RSPO3: variants seen among roughly 807,000 people sequenced by gnomAD.
RSPO3 encodes the protein R-spondin 3, also known as R-spondin-3.
In RSPO3, 17 loss-of-function variants were observed where a neutral mutation model predicts 36.5. That is an observed-to-expected ratio of 0.47 (90% CI 0.32 to 0.70). The LOEUF (loss-of-function observed/expected upper bound fraction) is 0.70, where lower values mean the gene tolerates loss of function less well. Among genes scored for constraint, RSPO3 ranks in the 30% least tolerant of loss-of-function variants. The pLI is 0.04. For missense variants in RSPO3, 294 were observed against 322.5 expected (o/e 0.91, Z 0.68); for synonymous variants, 108 against 107.0 (o/e 1.01, Z -0.06).
intron 4 of RSPO3, among the ~76,000 whole-genome samples, chr6:127,190,498 T>C (rs1775387710): frequency 1.3e-5 from 2 of 152,160 alleles, no homozygotes. Flanking sequence ...AATAATCAGG[T>C]CCAATTCCAG....
chr6:127,181,776 T>C (rs1775191333), intron 4 of RSPO3, among the ~76,000 whole-genome samples: 1 of 151,954 alleles, frequency 6.6e-6, no homozygotes, highest in Admixed American at 6.6e-5. Context: ...TCTTGACTAC[T>C]ACTCTTTCTC....
At chr6:127,145,934 T>G (rs559263953) in intron 1 of RSPO3, among the ~76,000 whole-genome samples, 1 of 152,290 alleles carries the variant, frequency 6.6e-6, no homozygotes, top group African/African-American at 2.4e-5. Flanking sequence ...ATATAAAAAG[T>G]AAAATCTCTT....
chr6:127,139,582 T>TA (rs34741454), intron 1 of RSPO3, among the ~76,000 whole-genome samples: 1,635 of 151,324 alleles, frequency 0.011, 11 homozygotes, highest in Middle Eastern at 0.024. Context: ...TTTCTAACCT[T>TA]AAAAAAAAAT....
intron 1 of RSPO3, among the ~76,000 whole-genome samples, chr6:127,125,691 G>A (rs1382427726): frequency 6.6e-6 from 1 of 152,110 alleles, no homozygotes; most frequent in East Asian, 1.9e-4. Context: ...ACGAGTAAGT[G>A]ATCAATGTGG....
intron 4 of RSPO3, among the ~76,000 whole-genome samples, chr6:127,173,892 C>T (rs1160025579): frequency 6.6e-6 from 1 of 151,898 alleles, no homozygotes; most frequent in Non-Finnish European, 1.5e-5. Flanking sequence ...TGTAGTTTAA[C>T]TTTGGAAGCA....
intron 4 of RSPO3, among the ~76,000 whole-genome samples, chr6:127,174,476 A>G (rs1195426593): frequency 6.6e-6 from 1 of 151,924 alleles, no homozygotes; most frequent in Admixed American, 6.6e-5. Context: ...GTATGAAGAA[A>G]GCAAAAGAAA....
At chr6:127,146,226 T>C (rs1774380863) in intron 1 of RSPO3, among the ~76,000 whole-genome samples, 1 of 152,160 alleles carries the variant, frequency 6.6e-6, no homozygotes, top group Admixed American at 6.5e-5. Context: ...TATTGCAAGT[T>C]GGGACAACTA....
At chr6:127,131,035 C>T (rs1280591854) in intron 1 of RSPO3, among the ~76,000 whole-genome samples, 2 of 152,054 alleles carry the variant, frequency 1.3e-5, no homozygotes, top group Non-Finnish European at 2.9e-5. Context: ...TCATATAGCA[C>T]ATTTCTAAGA....
At chr6:127,152,145 G>T (rs1421551730) in intron 3 of RSPO3, among the ~76,000 whole-genome samples, 1 of 152,168 alleles carries the variant, frequency 6.6e-6, no homozygotes, top group East Asian at 1.9e-4. Context: ...TATGCTGCTA[G>T]TAAGACTAAG....
intron 4 of RSPO3, among the ~76,000 whole-genome samples, chr6:127,194,339 T>G (rs1486965779): frequency 6.6e-6 from 1 of 152,210 alleles, no homozygotes; most frequent in Admixed American, 6.5e-5. Flanking sequence ...AATTTCAAAT[T>G]TTAAATGACC....
intron 1 of RSPO3, among the ~76,000 whole-genome samples, chr6:127,122,981 T>C (rs1382512117): frequency 3.3e-5 from 5 of 152,076 alleles, no homozygotes; most frequent in African/African-American, 1.2e-4. Flanking sequence ...TGAAAAGCCA[T>C]TATATGCATA....
chr6:127,139,556 G>T lies in RSPO3; in HGVS notation c.98-9092G>T, dbSNP rs146952858. On this transcript the variant is annotated intron_variant, in intron 1 of 4. Transcript: ENST00000356698. ...TAAAAAAAATATATCTTTTTTTTAA[G>T]GTTAGAAAAAAAATATTTCTAACCT... 6.2e-5 allele frequency among the ~76,000 whole-genome samples: 9 copies of T among 144,676 alleles called. No homozygotes were observed. The East Asian group carries it at 1.6e-3, about 26-fold the overall frequency. 94.9% of individuals were successfully genotyped at this position (144,676 alleles called of 152,430 possible). A position where few individuals can be genotyped will look rare whatever the true frequency, so the allele number is the denominator to read the frequency against.
chr6:127,192,062 C>T (rs199694723), intron 4 of RSPO3, among the ~76,000 whole-genome samples: 1 of 152,186 alleles, frequency 6.6e-6, no homozygotes, highest in East Asian at 1.9e-4. Context: ...TTCTTTTAGG[C>T]TCACCTCAAA....
intron 1 of RSPO3, among the ~76,000 whole-genome samples, chr6:127,144,872 T>C (rs1244999727): frequency 1.3e-5 from 2 of 152,026 alleles, no homozygotes; most frequent in African/African-American, 4.8e-5. Flanking sequence ...TCAGCCCACC[T>C]TGGCCTCCCA....
chr6:127,175,819 G>T (rs1328955232), intron 4 of RSPO3, among the ~76,000 whole-genome samples: 5 of 151,710 alleles, frequency 3.3e-5, no homozygotes, highest in Non-Finnish European at 7.4e-5. Flanking sequence ...TATTCTTAAA[G>T]ACTGGATTAT....
chr6:127,163,416 C>T (rs922031963), intron 4 of RSPO3, among the ~76,000 whole-genome samples: 1 of 152,106 alleles, frequency 6.6e-6, no homozygotes, highest in African/African-American at 2.4e-5. Context: ...TACAGACTAA[C>T]TTTGTAGATG....
chr6:127,134,492 AC>A (rs1023078959), intron 1 of RSPO3, among the ~76,000 whole-genome samples: 8 of 152,196 alleles, frequency 5.3e-5, no homozygotes, highest in African/African-American at 1.7e-4. Flanking sequence ...TTTTATGGTA[AC>A]CCCATGACCA....
Position 127,197,217 on chromosome 6 carries a change from G to A in RSPO3, c.*1210G>A. 1 of 556,786 alleles carries A rather than the reference G, an allele frequency of 1.8e-6. No homozygotes were observed. Among genetic ancestry groups the A allele is most frequent in the East Asian group, 3.1e-5 (1 of 32,302 alleles). 34.5% of individuals were successfully genotyped at this position (556,786 alleles called of 1,614,324 possible). A position where few individuals can be genotyped will look rare whatever the true frequency, so the allele number is the denominator to read the frequency against. The stretch of plus-strand genomic sequence containing the variant: ...ATCCACCTTTATCTGAGCCAATGGA[G>A]ATTTACTTATAGCGTATTAGGAGAT... On this transcript the variant is annotated 3_prime_UTR_variant, in exon 5 of 5. Transcript: ENST00000356698.
At chr6:127,148,869 T>C (rs746116302) in intron 2 of RSPO3, 30 bp downstream of exon 2, 4 of 1,563,580 alleles carry the variant, frequency 2.6e-6, no homozygotes, top group Non-Finnish European at 3.5e-6. Context: ...TGTATTTTTA[T>C]CTCATCTTTG....
Sources: gnomAD v4.1 joint callset for allele counts (sites outside exome capture counted in the v4.1 genomes callset) on GRCh38, gnomAD v4.1.1 for gene constraint, MANE v1.5 for transcripts, NCBI Gene and HGNC (gene_info 2026-07-23, HGNC 2026-07-21) for gene names.